The following RASGRF1 variants were observed in gnomAD, a reference collection of about 807,000 sequenced individuals.
RASGRF1 encodes the protein ras-specific guanine nucleotide-releasing factor 1.
RASGRF1 carries 40 observed loss-of-function variants against 138.7 expected under a neutral mutation model. The ratio of observed to expected loss-of-function variants is 0.29; its 90% CI spans 0.22 to 0.38. The LOEUF (loss-of-function observed/expected upper bound fraction) is 0.38, where lower values mean the gene tolerates loss of function less well. Among genes scored for constraint, RASGRF1 ranks in the 10% least tolerant of loss-of-function variants. The pLI, the probability that RASGRF1 is intolerant of heterozygous loss-of-function variation, is 1.00. For missense variants in RASGRF1, 1,108 were observed against 1,650.4 expected (o/e 0.67, Z 5.69); for synonymous variants, 614 against 663.2 (o/e 0.93, Z 1.14).
intron 2 of RASGRF1, among the ~76,000 whole-genome samples, chr15:79,062,067 A>G (rs1312512433): frequency 2.0e-5 from 3 of 152,078 alleles, no homozygotes; most frequent in African/African-American, 7.2e-5. Context: ...AACATTCACT[A>G]TTGTCTGTCT....
rs1371552434 is a variant in RASGRF1 at position 79,001,729 on chromosome 15, A to G, written c.2508T>C (p.Gly836=). ...SDIDQNQSDD[G]DTETSPTKSP... ...ATTTAGTTGGTGATGTTTCAGTATC[A>G]CCATCATCACTCTGGTTTTGATCAA... The change falls in exon 16 of 27, where the codon GGT becomes GGC. Residue 836 remains glycine (G), a synonymous_variant. Coordinates refer to ENST00000558480, the MANE Select transcript of RASGRF1 (RefSeq NM_001145648.3). 1 of 1,610,566 alleles carries G rather than the reference A, an allele frequency of 6.2e-7. No individual in the cohort carries two copies. Among genetic ancestry groups the G allele is most frequent in the Non-Finnish European group, 8.5e-7 (1 of 1,176,888 alleles).
chr15:79,086,424 G>A (rs2057980480), intron 1 of RASGRF1, among the ~76,000 whole-genome samples: 1 of 152,184 alleles, frequency 6.6e-6, no homozygotes, highest in South Asian at 2.1e-4. Flanking sequence ...TTCCTCATCT[G>A]TAAAATGAGT....
chr15:79,025,013 C>T (rs181062993), intron 10 of RASGRF1, among the ~76,000 whole-genome samples: 1 of 152,160 alleles, frequency 6.6e-6, no homozygotes, highest in African/African-American at 2.4e-5. Flanking sequence ...CATGCACACA[C>T]ACATGCCTTT....
intron 26 of RASGRF1, among the ~76,000 whole-genome samples, chr15:78,967,008 T>TA (rs397854328): frequency 3.4e-4 from 51 of 151,568 alleles, no homozygotes; most frequent in Middle Eastern, 3.4e-3. Flanking sequence ...TTTTTGCTTT[T>TA]AAAAAAAAAT....
At chr15:79,074,245 T>TG (rs2141085849) in intron 1 of RASGRF1, among the ~76,000 whole-genome samples, 1 of 152,352 alleles carries the variant, frequency 6.6e-6, no homozygotes, top group Non-Finnish European at 1.5e-5. Context: ...ATTCCGTACA[T>TG]GCTCATGCTT....
chr15:79,000,030 G>A lies in RASGRF1; in HGVS notation c.2576-117C>T, dbSNP rs2056485919. 4 of 1,095,364 alleles carry A rather than the reference G, an allele frequency of 3.7e-6. No homozygotes were observed. In the Admixed American group the frequency reaches 8.6e-5, roughly 24 times the overall value. The allele number at this position is 1,095,364 out of a possible 1,614,324, so 67.9% of individuals were successfully genotyped here. ...TAAGAGCCAGCAGGCTGTGTCTTCA[G>A]GGTACCAGGGCATGTCGGGTGGTGC... On this transcript the variant is annotated intron_variant, in intron 16 of 26. Transcript: ENST00000558480.
chr15:79,035,469 C>A (rs901604323), intron 5 of RASGRF1, among the ~76,000 whole-genome samples: 1 of 152,358 alleles, frequency 6.6e-6, no homozygotes, highest in Non-Finnish European at 1.5e-5. Context: ...AGCCCAGGCT[C>A]GTCTATGCAT....
chr15:78,978,215 C>CTTTTCTTTTCTTTT (rs2055915117), intron 24 of RASGRF1, among the ~76,000 whole-genome samples: 5 of 79,344 alleles, frequency 6.3e-5, no homozygotes, highest in African/African-American at 2.6e-4. Flanking sequence ...TTTTTCTTTT[C>CTTTTCTTTTCTTTT]TTTTGTTTTT....
In RASGRF1 at chr15:79,046,195, A is replaced by G. The variant is rs2057352407; in HGVS notation, c.878+551T>C. Among the ~76,000 whole-genome samples, 1 of 152,194 alleles carries G rather than the reference A, an allele frequency of 6.6e-6. No homozygotes were observed. The highest frequency in any genetic ancestry group is 1.5e-5 in the Non-Finnish European group (1 of 68,026). ...CCACAGCAGAACTCTAAGGCACCTGAGAATTCTAAGTTTCAACCTGGCCTC... is the reference window on the plus strand; with the variant it reads ...CCACAGCAGAACTCTAAGGCACCTGGGAATTCTAAGTTTCAACCTGGCCTC... On this transcript the variant is annotated intron_variant, in intron 5 of 26. Coordinates refer to ENST00000558480, the MANE Select transcript of RASGRF1 (RefSeq NM_001145648.3). The surrounding 1 kb of genome is among the most constrained non-coding windows in gnomAD (Gnocchi z 5.3).
rs1164187136 is a variant in RASGRF1, at chr15:78,960,051, T to G, written c.*2093A>C. The G allele has an allele frequency of 6.6e-6, 1 of 152,226 alleles. No individual in the cohort carries two copies. Among genetic ancestry groups the G allele is most frequent in the Non-Finnish European group, 1.5e-5 (1 of 68,044 alleles). The allele number at this position is 152,226 out of a possible 1,614,324, so 9.4% of individuals were successfully genotyped here. Reference sequence around the variant, plus strand: ...GCTCTGAGAGGTTAAGTGACTTGGCTGAGCTCATGAAGCAGGTAAAGCTGG... The same window carrying G: ...GCTCTGAGAGGTTAAGTGACTTGGCGGAGCTCATGAAGCAGGTAAAGCTGG... On this transcript the variant is annotated 3_prime_UTR_variant, in exon 27 of 27. Coordinates refer to ENST00000558480, the MANE Select transcript of RASGRF1 (RefSeq NM_001145648.3).
intron 5 of RASGRF1, among the ~76,000 whole-genome samples, chr15:79,042,366 G>A (rs1473091290): frequency 2.6e-5 from 4 of 152,234 alleles, no homozygotes; most frequent in African/African-American, 7.2e-5. Context: ...CAGCTCCACC[G>A]TGGCTTATGA....
intron 20 of RASGRF1, among the ~76,000 whole-genome samples, chr15:78,993,791 G>A (rs1487224214): frequency 6.6e-6 from 1 of 152,128 alleles, no homozygotes; most frequent in Non-Finnish European, 1.5e-5. Context: ...GGCCTGCACT[G>A]GTACCAGAGG....
intron 13 of RASGRF1, among the ~76,000 whole-genome samples, chr15:79,013,522 A>C (rs1168449830): frequency 2.0e-5 from 3 of 152,262 alleles, no homozygotes; most frequent in African/African-American, 7.2e-5. Flanking sequence ...CATTAAACGC[A>C]TTACATCTGC....
At position 79,065,883 on chromosome 15, in the gene RASGRF1, A is replaced by G. The variant is rs150176186; in HGVS notation, c.277-1357T>C. ...ATGTATTTTTGTTAATTGTCAGTCTAGGTGGCAGCCGGGTGTATGTGAAGT... is the reference window on the plus strand; with the variant it reads ...ATGTATTTTTGTTAATTGTCAGTCTGGGTGGCAGCCGGGTGTATGTGAAGT... On this transcript the variant is annotated intron_variant, in intron 1 of 26. Coordinates refer to ENST00000558480, the MANE Select transcript of RASGRF1 (RefSeq NM_001145648.3). Among the ~76,000 whole-genome samples the G allele has an allele frequency of 1.0e-3, 149 of 143,032 alleles. 2 individuals carry two copies. In the East Asian group the frequency reaches 0.027, roughly 26 times the overall value. 93.8% of individuals were successfully genotyped at this position (143,032 alleles called of 152,430 possible).
intron 24 of RASGRF1, chr15:78,980,191 G>A (rs955422508): frequency 1.3e-5 from 2 of 153,918 alleles, no homozygotes; most frequent in Non-Finnish European, 2.9e-5. Flanking sequence ...GGATGCCATT[G>A]TTTATAAAAT....
At position 78,998,760 on chromosome 15, in the gene RASGRF1, C is replaced by T. The variant is rs1318564684; in HGVS notation, c.2812G>A (p.Val938Ile). ...FVIRRAATNR[V>I]LNVLRHWVSK... is the part of the protein sequence containing the mutation. ...ACCCAGTGGCGGAGCACGTTCAAGACACGATTGGTGGCTGCTCTGCGGATC... is the reference window on the plus strand; with the variant it reads ...ACCCAGTGGCGGAGCACGTTCAAGATACGATTGGTGGCTGCTCTGCGGATC... The change falls in exon 18 of 27, where the codon GTC (valine) becomes ATC (isoleucine). Residue 938 changes from valine (V) to isoleucine (I), a missense_variant. Transcript: ENST00000558480. 2 of 1,614,080 alleles carry T rather than the reference C, an allele frequency of 1.2e-6. No individual in the cohort carries two copies. The highest frequency in any genetic ancestry group is 1.7e-6 in the Non-Finnish European group (2 of 1,180,022).
At chr15:78,991,479 A>AGT (rs202211865) in intron 21 of RASGRF1, among the ~76,000 whole-genome samples, 1,638 of 152,294 alleles carry the variant, frequency 0.011, 13 homozygotes, top group Middle Eastern at 0.02. Flanking sequence ...ATTCCAGAAA[A>AGT]GTGTGTGTGT....
At chr15:79,065,483 G>A (rs1393258043) in intron 1 of RASGRF1, among the ~76,000 whole-genome samples, 2 of 152,084 alleles carry the variant, frequency 1.3e-5, no homozygotes, top group Non-Finnish European at 2.9e-5. Context: ...ACAAAGCCCA[G>A]GTTTCAGGTT....
At chr15:79,051,747 A>C (rs78360757) in intron 3 of RASGRF1, among the ~76,000 whole-genome samples, 2,898 of 152,296 alleles carry the variant, frequency 0.019, 86 homozygotes, top group African/African-American at 0.066. Context: ...ACCATCCTAC[A>C]TGCGCAGGCA....
Sources: allele counts gnomAD v4.1 joint callset (sites outside exome capture counted in the v4.1 genomes callset), GRCh38; gene constraint gnomAD v4.1.1; non-coding constraint Gnocchi (gnomAD v3.1); transcripts MANE v1.5; gene names NCBI Gene and HGNC (gene_info 2026-07-23, HGNC 2026-07-21).